TLK2: variants seen among roughly 807,000 people sequenced by gnomAD.
TLK2 encodes tousled like kinase 2.
In TLK2, 6 loss-of-function variants were observed where a neutral mutation model predicts 117.3. The observed-to-expected ratio is 0.05, with a 90% CI of 0.03 to 0.10. The LOEUF is 0.10. Among genes scored for constraint, TLK2 ranks in the 10% least tolerant of loss-of-function variants. TLK2 has a pLI of 1.00. For missense variants in TLK2, 299 were observed against 901.2 expected (o/e 0.33, Z 8.56); for synonymous variants, 257 against 316.7 (o/e 0.81, Z 2.00).
At chr17:62,537,883 T>C (rs2077219390) in intron 7 of TLK2, among the ~76,000 whole-genome samples, 1 of 152,108 alleles carries the variant, frequency 6.6e-6, no homozygotes, top group Admixed American at 6.6e-5. Context: ...AATTGACCTA[T>C]ATAATATTGT....
intron 2 of TLK2, among the ~76,000 whole-genome samples, chr17:62,487,938 G>A (rs1160608641): frequency 7.7e-6 from 1 of 129,420 alleles, no homozygotes; most frequent in Non-Finnish European, 1.7e-5. Flanking sequence ...TATCTTTTAA[G>A]TTCTCACTTT....
At chr17:62,588,907 C>T (rs1325498352) in intron 16 of TLK2, among the ~76,000 whole-genome samples, 1 of 152,182 alleles carries the variant, frequency 6.6e-6, no homozygotes, top group Non-Finnish European at 1.5e-5. Flanking sequence ...AAGTAGTACA[C>T]TTCAGTGTTG....
At position 62,536,167 on chromosome 17, in the gene TLK2, C is replaced by T. The variant is rs1442814729; in HGVS notation, c.364-3C>T. 6.8e-6 allele frequency: 11 copies of T among 1,608,452 alleles called. No individual in the cohort carries two copies. The East Asian group carries it at 2.2e-4, about 33-fold the overall frequency. On this transcript the variant is annotated splice_polypyrimidine_tract_variant and splice_region_variant and intron_variant, in intron 6 of 21. Transcript: ENST00000346027. The stretch of plus-strand genomic sequence containing the variant: ...ATTTGTGTGTTTCTTTACTGTTTTC[C>T]AGCGACGAGTAGAACAGCCCCTCTA...
In TLK2 at chr17:62,585,903, G is replaced by A. The variant is rs2081575735; in HGVS notation, c.1369-232G>A. 1 of 368,728 alleles carries A rather than the reference G, an allele frequency of 2.7e-6. No individual in the cohort carries two copies. Among genetic ancestry groups the A allele is most frequent in the African/African-American group, 2.1e-5 (1 of 48,342 alleles). 22.8% of individuals were successfully genotyped at this position (368,728 alleles called of 1,614,324 possible). ...AGGCAGGGGCTATCTTTCTGTTTGT[G>A]GTGTTGGCCTGGTTTTATGTTCTAA... On this transcript the variant is annotated intron_variant, in intron 15 of 21. Coordinates refer to ENST00000346027, the MANE Select transcript of TLK2 (RefSeq NM_006852.6).
At chr17:62,556,117 A>G (rs1325877737) in intron 9 of TLK2, among the ~76,000 whole-genome samples, 3 of 151,966 alleles carry the variant, frequency 2.0e-5, no homozygotes, top group African/African-American at 4.8e-5. Context: ...TTTTTGCCAC[A>G]TTGGCCACAC....
At chr17:62,546,748 C>T (rs571221603) in intron 7 of TLK2, among the ~76,000 whole-genome samples, 10 of 151,608 alleles carry the variant, frequency 6.6e-5, no homozygotes, top group African/African-American at 9.7e-5. Context: ...TTAGTAGAGA[C>T]GGGGTTTCAC....
At chr17:62,556,945 T>G (rs1017289624) in intron 9 of TLK2, among the ~76,000 whole-genome samples, 1 of 152,242 alleles carries the variant, frequency 6.6e-6, no homozygotes, top group Non-Finnish European at 1.5e-5. Context: ...TTTTATTTTT[T>G]GAGACAGTGT....
chr17:62,592,041 G>A (rs2082122011), intron 16 of TLK2, among the ~76,000 whole-genome samples: 1 of 151,288 alleles, frequency 6.6e-6, no homozygotes, highest in Non-Finnish European at 1.5e-5. Context: ...CACAGCGTCC[G>A]CCTCCTGGGT....
chr17:62,481,639 G>T (rs1363826900), intron 2 of TLK2, among the ~76,000 whole-genome samples: 13 of 152,142 alleles, frequency 8.5e-5, no homozygotes, highest in Non-Finnish European at 4.4e-5. Flanking sequence ...CTCTTTACTG[G>T]TTGCACCCCC....
In TLK2 at chr17:62,590,437, C is replaced by T. The variant is rs750720458; in HGVS notation, c.1460+4211C>T. 2.6e-5 allele frequency among the ~76,000 whole-genome samples: 4 copies of T among 151,848 alleles called. No individual in the cohort carries two copies. The South Asian group carries it at 6.2e-4, about 24-fold the overall frequency. On this transcript the variant is annotated intron_variant, in intron 16 of 21. Transcript: ENST00000346027. ...CAGCCTGGGCGACAGAGCGAGACTC[C>T]GTCTCAAAAACAAAAACAGCAGCAC...
intron 7 of TLK2, among the ~76,000 whole-genome samples, chr17:62,539,473 CTTTTT>C (rs1047610954): frequency 7.7e-6 from 1 of 129,084 alleles, no homozygotes; most frequent in Non-Finnish European, 1.7e-5. Context: ...ACCTCCCTCT[CTTTTT>C]TTTTTTTTTT....
intron 15 of TLK2, 99 bp downstream of exon 15, chr17:62,580,291 C>T: frequency 1.2e-6 from 1 of 834,444 alleles, no homozygotes; most frequent in Non-Finnish European, 1.8e-6. Flanking sequence ...GGTTGATATC[C>T]ATTGGTTGAA....
At chr17:62,549,102 C>T (rs1352169762) in intron 7 of TLK2, among the ~76,000 whole-genome samples, 4 of 148,604 alleles carry the variant, frequency 2.7e-5, no homozygotes, top group African/African-American at 9.8e-5. Flanking sequence ...TGTATAGAAA[C>T]ACATTGTAGG....
At chr17:62,525,100 G>A (rs879909485) in intron 6 of TLK2, among the ~76,000 whole-genome samples, 3 of 152,204 alleles carry the variant, frequency 2.0e-5, no homozygotes, top group Non-Finnish European at 4.4e-5. Flanking sequence ...TACTGTGTAA[G>A]ACCTCTTACT....
chr17:62,477,829 C>G (rs780549164), upstream of TLK2: 8 of 152,292 alleles, frequency 5.3e-5, no homozygotes, highest in Non-Finnish European at 1.2e-4. Flanking sequence ...CTAGATAGTT[C>G]TCATTCCTCA....
chr17:62,587,253 G>A (rs960750917), intron 16 of TLK2, among the ~76,000 whole-genome samples: 2 of 152,188 alleles, frequency 1.3e-5, no homozygotes, highest in African/African-American at 4.8e-5. Flanking sequence ...AGGCTATGCA[G>A]ACTTAATTTG....
Position 62,596,706 on chromosome 17 carries a change from A to C in TLK2, c.1550+32A>C, listed in dbSNP as rs755333274. The C allele has an allele frequency of 4.4e-6, 7 of 1,583,702 alleles. No individual in the cohort carries two copies. The Admixed American group carries it at 6.7e-5, about 15-fold the overall frequency. On this transcript the variant is annotated intron_variant, in intron 17 of 21. Coordinates refer to ENST00000346027, the MANE Select transcript of TLK2 (RefSeq NM_006852.6). Reference sequence around the variant, plus strand: ...GCTGTGCTGTTTTACCTTAACAGTTATATTATTTTCTTGCAATGCTGATTG... The same window carrying C: ...GCTGTGCTGTTTTACCTTAACAGTTCTATTATTTTCTTGCAATGCTGATTG...
intron 6 of TLK2, among the ~76,000 whole-genome samples, chr17:62,530,880 A>C (rs1447810039): frequency 3.9e-5 from 6 of 152,080 alleles, no homozygotes; most frequent in Admixed American, 3.9e-4. Flanking sequence ...GTATATTTTT[A>C]GGTTCGCTTT....
At chr17:62,513,069 G>A (rs1178729778) in intron 2 of TLK2, among the ~76,000 whole-genome samples, 2 of 150,736 alleles carry the variant, frequency 1.3e-5, no homozygotes, top group African/African-American at 2.4e-5. Context: ...TAGTAGAGAC[G>A]GGGTTTCACA....
Sources: allele counts gnomAD v4.1 joint callset (sites outside exome capture counted in the v4.1 genomes callset), GRCh38; gene constraint gnomAD v4.1.1; transcripts MANE v1.5; gene names NCBI Gene and HGNC (gene_info 2026-07-23, HGNC 2026-07-21).